Variants in THADA observed in about 807,000 individuals in gnomAD.
THADA encodes the protein THADA armadillo repeat containing.
In THADA, 213 loss-of-function variants were observed where a neutral mutation model predicts 219.8. The ratio of observed to expected loss-of-function variants is 0.97; its 90% CI spans 0.87 to 1.09. THADA has a LOEUF of 1.09. Ranked by LOEUF, THADA falls within the 50% of genes least tolerant of loss-of-function variation. THADA has a pLI of 0.00. For synonymous variants in THADA, 1,018 were observed against 828.9 expected, an observed-to-expected ratio of 1.23 and a Z score of -3.92; for missense variants, 2,956 against 2,311.3, an observed-to-expected ratio of 1.28 and a Z score of -5.72.
At chr2:43,591,135 C>A (rs1255895143) in intron 3 of THADA, among the ~76,000 whole-genome samples, 181 bp from the exon 4 acceptor site, 1 of 151,998 alleles carries the variant, frequency 6.6e-6, no homozygotes, top group Non-Finnish European at 1.5e-5. Flanking sequence ...CAAGCTCGGG[C>A]AACATGGTGA....
chr2:43,529,209 G>C (rs950338105), intron 21 of THADA, among the ~76,000 whole-genome samples: 1 of 151,758 alleles, frequency 6.6e-6, no homozygotes, highest in African/African-American at 2.4e-5. Flanking sequence ...CTGGAGTGCA[G>C]TGGCACAATC....
intron 21 of THADA, among the ~76,000 whole-genome samples, chr2:43,540,802 T>C (rs1416538884): frequency 1.3e-5 from 2 of 152,222 alleles, no homozygotes; most frequent in Non-Finnish European, 2.9e-5. Flanking sequence ...GTTACTTTTT[T>C]TCTTTCCAAA....
In THADA at chr2:43,232,804, C is replaced by T. The variant is rs1667597177; in HGVS notation, c.5375G>A (p.Trp1792Ter). ...LAVLCDLLQQ[W>*]DQLAPGLPIL... ...GGGCAGTCCAGGGGCCAACTGGTCCCACTGCTGGAGCAGATCACACAGGAC... is the reference window on the plus strand; with the variant it reads ...GGGCAGTCCAGGGGCCAACTGGTCCTACTGCTGGAGCAGATCACACAGGAC... The change falls in exon 37 of 38, where the codon TGG becomes TAG. Residue 1792 changes from tryptophan to a stop codon, truncating the protein, a stop_gained. Transcript: ENST00000405975. LOFTEE classifies it high-confidence loss of function. The T allele has an allele frequency of 6.2e-7, 1 of 1,613,366 alleles. No individual in the cohort carries two copies. The highest frequency in any genetic ancestry group is 8.5e-7 in the Non-Finnish European group (1 of 1,179,720).
chr2:43,522,374 A>C (rs1292368413), intron 22 of THADA, among the ~76,000 whole-genome samples: 1 of 152,198 alleles, frequency 6.6e-6, no homozygotes, highest in African/African-American at 2.4e-5. Context: ...ACTTAGCTGC[A>C]GGCACAGGCA....
intron 29 of THADA, among the ~76,000 whole-genome samples, chr2:43,379,033 A>C (rs913708060): frequency 6.6e-6 from 1 of 152,250 alleles, no homozygotes; most frequent in African/African-American, 2.4e-5. Context: ...AGAAAAAATA[A>C]TGAACAGAGA....
chr2:43,520,719 C>T (rs548604322), intron 22 of THADA, among the ~76,000 whole-genome samples: 1,685 of 124,506 alleles, frequency 0.014, 35 homozygotes, highest in African/African-American at 0.046. Context: ...TATATACACA[C>T]ACACACACAC....
chr2:43,348,279 G>C (rs925204239), intron 29 of THADA, among the ~76,000 whole-genome samples: 3 of 152,138 alleles, frequency 2.0e-5, no homozygotes, highest in African/African-American at 7.2e-5. Context: ...CCGGAGATGA[G>C]AACTGCACTC....
At chr2:43,573,237 T>C (rs765658484) in intron 11 of THADA, among the ~76,000 whole-genome samples, 10 of 152,264 alleles carry the variant, frequency 6.6e-5, no homozygotes, top group Non-Finnish European at 1.5e-5. Flanking sequence ...AATCATTATT[T>C]ACCTGCTAAC....
chr2:43,432,019 GCTA>G lies in THADA; in HGVS notation c.3837-1720_3837-1718del. On this transcript the variant is annotated intron_variant, in intron 26 of 37. Transcript: ENST00000405975. ...CTACAGGCGCCCGCCACTACGCCCG[GCTA>G]ATTTTTTGTATTTTTAGTAGAGACG... Among the ~76,000 whole-genome samples the G allele has an allele frequency of 1.8e-4, 23 of 130,608 alleles. 8 individuals carry two copies. Among genetic ancestry groups the G allele is most frequent in the African/African-American group, 4.9e-4 (14 of 28,770 alleles). The allele number at this position is 130,608 out of a possible 152,430, so 85.7% of individuals were successfully genotyped here. A position where few individuals can be genotyped will look rare whatever the true frequency, so the allele number is the denominator to read the frequency against.
intron 36 of THADA, among the ~76,000 whole-genome samples, chr2:43,274,520 G>A (rs1390679727): frequency 6.6e-6 from 1 of 152,170 alleles, no homozygotes; most frequent in African/African-American, 2.4e-5. Context: ...GAGAACTAAA[G>A]CACAGGAAAG....
intron 26 of THADA, among the ~76,000 whole-genome samples, chr2:43,442,186 A>G (rs1680923864): frequency 6.6e-6 from 1 of 152,196 alleles, no homozygotes; most frequent in African/African-American, 2.4e-5. Flanking sequence ...CTGTAATCCC[A>G]GCACTTTGGG....
chr2:43,557,680 A>C (rs1248731256), intron 16 of THADA, among the ~76,000 whole-genome samples: 1 of 152,228 alleles, frequency 6.6e-6, no homozygotes, highest in African/African-American at 2.4e-5. Context: ...CCTAGTCCCA[A>C]CTTCAACAAC....
At chr2:43,392,851 A>C (rs1166189391) in intron 29 of THADA, among the ~76,000 whole-genome samples, 1 of 152,212 alleles carries the variant, frequency 6.6e-6, no homozygotes, top group East Asian at 1.9e-4. Context: ...TTTGCATCAA[A>C]GGCAAACTCC....
intron 15 of THADA, among the ~76,000 whole-genome samples, chr2:43,562,000 C>T (rs1004200446): frequency 6.6e-6 from 1 of 152,080 alleles, no homozygotes; most frequent in Admixed American, 6.6e-5. Flanking sequence ...AAAATTGAGA[C>T]GATCACATGG....
chr2:43,543,740 GT>G (rs761320904), intron 20 of THADA, among the ~76,000 whole-genome samples: 8 of 152,042 alleles, frequency 5.3e-5, no homozygotes, highest in Non-Finnish European at 1.2e-4. Context: ...TTGTAAATTT[GT>G]TTTGAGTTCA....
At chr2:43,589,793 A>AC (rs1271417168) in intron 4 of THADA, among the ~76,000 whole-genome samples, 7 of 152,140 alleles carry the variant, frequency 4.6e-5, no homozygotes, top group Admixed American at 2.6e-4. Flanking sequence ...TATTCATGTA[A>AC]CCAAGTACCA....
intron 25 of THADA, among the ~76,000 whole-genome samples, chr2:43,490,519 A>G (rs1687495163): frequency 6.6e-6 from 1 of 152,102 alleles, no homozygotes; most frequent in South Asian, 2.1e-4. Flanking sequence ...TTTTTTTCAC[A>G]TAAAATAGCA....
intron 35 of THADA, among the ~76,000 whole-genome samples, chr2:43,284,332 C>T (rs1673727852): frequency 6.6e-6 from 1 of 152,192 alleles, no homozygotes; most frequent in African/African-American, 2.4e-5. Context: ...GGCCCAGCTG[C>T]TCTGTGCAGC....
intron 35 of THADA, among the ~76,000 whole-genome samples, chr2:43,281,419 C>G (rs1221142650): frequency 6.6e-6 from 1 of 150,486 alleles, no homozygotes; most frequent in Non-Finnish European, 1.5e-5. Context: ...TTGCTGTGCC[C>G]TTGACTTTTC....
Sources: gnomAD v4.1 joint callset for allele counts (sites outside exome capture counted in the v4.1 genomes callset) on GRCh38, gnomAD v4.1.1 for gene constraint, MANE v1.5 for transcripts, NCBI Gene and HGNC (gene_info 2026-07-23, HGNC 2026-07-21) for gene names.